CSMD1: variants seen among roughly 807,000 people sequenced by gnomAD.
CSMD1 encodes CUB and sushi domain-containing protein 1.
In CSMD1, 213 loss-of-function variants were observed where a neutral mutation model predicts 417.5. The ratio of observed to expected loss-of-function variants is 0.51; its 90% CI spans 0.46 to 0.57. The LOEUF (loss-of-function observed/expected upper bound fraction) is 0.57, where lower values mean the gene tolerates loss of function less well. Among genes scored for constraint, CSMD1 ranks in the 20% least tolerant of loss-of-function variants. The probability of loss-of-function intolerance (pLI) is 0.00; values close to 1 mark genes in which losing one functional copy is unlikely to be tolerated. For synonymous variants in CSMD1, 2,862 were observed against 1,736.8 expected (o/e 1.65, Z -16.11); for missense variants, 6,923 against 4,529.7 (o/e 1.53, Z -15.17).
chr8:3,580,301 G>A (rs1189748405), intron 9 of CSMD1, among the ~76,000 whole-genome samples: 1 of 152,080 alleles, frequency 6.6e-6, no homozygotes, highest in Non-Finnish European at 1.5e-5. Flanking sequence ...TGTAAAGTGA[G>A]GGAAAAGGCC....
At chr8:2,939,296 T>G (rs905956008) in intron 69 of CSMD1, among the ~76,000 whole-genome samples, 1 of 152,258 alleles carries the variant, frequency 6.6e-6, no homozygotes, top group African/African-American at 2.4e-5. Context: ...ACGGTATGCT[T>G]ACACTAAATT....
chr8:4,292,360 C>T (rs1041365878), intron 3 of CSMD1, among the ~76,000 whole-genome samples: 3 of 152,094 alleles, frequency 2.0e-5, no homozygotes, highest in African/African-American at 7.2e-5. Context: ...TCACGCCTTT[C>T]TCCTGCCTCA....
intron 6 of CSMD1, among the ~76,000 whole-genome samples, chr8:3,742,640 C>T (rs557532381): frequency 6.6e-6 from 1 of 152,174 alleles, no homozygotes; most frequent in South Asian, 2.1e-4. Flanking sequence ...TTCTGCTCGT[C>T]CTGAAGGACG....
chr8:4,753,614 A>G (rs1811485070), intron 1 of CSMD1, among the ~76,000 whole-genome samples: 1 of 152,146 alleles, frequency 6.6e-6, no homozygotes, highest in Admixed American at 6.6e-5. Context: ...TCACAGTATC[A>G]GGCGTCTCAC....
chr8:4,141,150 AACAGAAC>A (rs936345736), intron 3 of CSMD1, among the ~76,000 whole-genome samples: 4 of 151,006 alleles, frequency 2.6e-5, no homozygotes, highest in African/African-American at 9.9e-5. Context: ...TCCAATAAGT[AACAGAAC>A]GTGTCTCTCA....
At chr8:4,843,583 G>A (rs994505305) in intron 1 of CSMD1, among the ~76,000 whole-genome samples, 8 of 152,126 alleles carry the variant, frequency 5.3e-5, no homozygotes, top group Non-Finnish European at 1.2e-4. Flanking sequence ...CCAATTCCAG[G>A]AGACATTTCC....
At chr8:3,453,310 G>A (rs528623236) in intron 12 of CSMD1, among the ~76,000 whole-genome samples, 40 of 151,574 alleles carry the variant, frequency 2.6e-4, no homozygotes, top group African/African-American at 7.3e-4. Flanking sequence ...TCTCTATTTC[G>A]TTCACTTCTG....
chr8:4,468,975 T>C (rs890252201), intron 2 of CSMD1, among the ~76,000 whole-genome samples: 8 of 152,128 alleles, frequency 5.3e-5, no homozygotes, highest in African/African-American at 1.4e-4. Flanking sequence ...TGATGTGAGA[T>C]GGGTATAGTT....
chr8:4,302,673 A>G (rs13261320), intron 3 of CSMD1, among the ~76,000 whole-genome samples: 112,212 of 152,116 alleles, frequency 0.74, 41,590 homozygotes, highest in East Asian at 0.85. Context: ...GTTCAAAAGC[A>G]TTCATCTCTA....
chr8:4,298,824 A>G (rs1478709519), intron 3 of CSMD1, among the ~76,000 whole-genome samples: 2 of 152,072 alleles, frequency 1.3e-5, no homozygotes, highest in African/African-American at 4.8e-5. Flanking sequence ...CCTAGAACTT[A>G]AAGTATAATA....
intron 1 of CSMD1, among the ~76,000 whole-genome samples, chr8:4,732,212 G>T (rs971085243): frequency 6.6e-6 from 1 of 152,146 alleles, no homozygotes; most frequent in African/African-American, 2.4e-5. Context: ...AGATGTATCA[G>T]ACCCCATGGG....
chr8:4,464,686 G>C (rs142923369), intron 2 of CSMD1, among the ~76,000 whole-genome samples: 1 of 152,054 alleles, frequency 6.6e-6, no homozygotes, highest in Admixed American at 6.6e-5. Context: ...CTGTAATATA[G>C]CCAAACTCTG....
chr8:4,215,935 T>C (rs1800641853), intron 3 of CSMD1, among the ~76,000 whole-genome samples: 1 of 152,212 alleles, frequency 6.6e-6, no homozygotes, highest in Non-Finnish European at 1.5e-5. Context: ...CATGCAGGAC[T>C]GAACATGCCA....
In CSMD1 at chr8:4,118,994, GC is replaced by G. The variant is rs1802320855; in HGVS notation, c.416-86896del. On this transcript the variant is annotated intron_variant, in intron 3 of 69. Transcript: ENST00000635120. Reference sequence around the variant, plus strand: ...TTCTCAGCAAACTAACACAAGAACGGCAAACCAAACACCACATGTTCTCACT... The same window carrying G: ...TTCTCAGCAAACTAACACAAGAACGGAAACCAAACACCACATGTTCTCACT... Among the ~76,000 whole-genome samples the G allele has an allele frequency of 2.6e-5, 4 of 152,176 alleles. No individual in the cohort carries two copies. In the South Asian group the frequency reaches 8.3e-4, roughly 32 times the overall value.
At chr8:4,295,462 ATCT>A (rs1174459596) in intron 3 of CSMD1, among the ~76,000 whole-genome samples, 1 of 144,030 alleles carries the variant, frequency 6.9e-6, no homozygotes, top group African/African-American at 2.5e-5. Context: ...TACACATATA[ATCT>A]TATTATACAC....
At chr8:3,304,560 T>C (rs77642951) in intron 25 of CSMD1, among the ~76,000 whole-genome samples, 5,579 of 152,248 alleles carry the variant, frequency 0.037, 234 homozygotes, top group Admixed American at 0.11. Context: ...ATGGCTACCC[T>C]CTTAAGCTGC....
At chr8:4,698,228 C>T (rs555640127) in intron 1 of CSMD1, among the ~76,000 whole-genome samples, 2 of 149,712 alleles carry the variant, frequency 1.3e-5, no homozygotes, top group South Asian at 4.2e-4. Flanking sequence ...AGCCCTGGTT[C>T]TTCATCAGTA....
At chr8:4,321,266 C>G (rs1019982849) in intron 3 of CSMD1, among the ~76,000 whole-genome samples, 1 of 152,118 alleles carries the variant, frequency 6.6e-6, no homozygotes, top group Non-Finnish European at 1.5e-5. Flanking sequence ...ACTGATCATC[C>G]TCGGTGTGTT....
intron 46 of CSMD1, among the ~76,000 whole-genome samples, chr8:3,102,279 T>C (rs6993827): frequency 0.013 from 2,042 of 152,244 alleles, 45 homozygotes; most frequent in African/African-American, 0.047. Context: ...GTAAAAGACA[T>C]CTAGGGTCTT....
Sources: allele counts gnomAD v4.1 joint callset (sites outside exome capture counted in the v4.1 genomes callset), GRCh38; gene constraint gnomAD v4.1.1; transcripts MANE v1.5; gene names NCBI Gene and HGNC (gene_info 2026-07-23, HGNC 2026-07-21).